SLC25A12: variants seen among roughly 807,000 people sequenced by gnomAD.
The protein encoded by SLC25A12 is solute carrier family 25 member 12.
A neutral mutation model predicts 83.3 loss-of-function variants in SLC25A12; 32 were observed. That is an observed-to-expected ratio of 0.38 (90% CI 0.29 to 0.52). The LOEUF (loss-of-function observed/expected upper bound fraction) is 0.52. Among genes scored for constraint, SLC25A12 ranks in the 20% least tolerant of loss-of-function variants. The probability of loss-of-function intolerance (pLI) is 0.84; values close to 1 mark genes in which losing one functional copy is unlikely to be tolerated. For synonymous variants in SLC25A12, 267 were observed against 291.1 expected, an observed-to-expected ratio of 0.92 and a Z score of 0.84; for missense variants, 611 against 835.6, an observed-to-expected ratio of 0.73 and a Z score of 3.31.
chr2:171,893,305 C>A, intron 1 of SLC25A12, 47 bp from the exon 2 acceptor site: 1 of 1,481,038 alleles, frequency 6.8e-7, no homozygotes, highest in Non-Finnish European at 9.4e-7. Context: ...TCACTAGAGA[C>A]CACACAATCT....
intron 9 of SLC25A12, among the ~76,000 whole-genome samples, chr2:171,824,684 T>G (rs200823417): frequency 2.1e-5 from 3 of 140,976 alleles, no homozygotes; most frequent in African/African-American, 7.4e-5. Context: ...TTATTAAAAA[T>G]TTTTCACATT....
chr2:171,840,847 C>T (rs1300533700), intron 5 of SLC25A12, among the ~76,000 whole-genome samples: 1 of 152,038 alleles, frequency 6.6e-6, no homozygotes, highest in East Asian at 1.9e-4. Flanking sequence ...GGAATACCAT[C>T]GTGAAATTTC....
intron 13 of SLC25A12, among the ~76,000 whole-genome samples, chr2:171,803,831 A>G (rs544455162): frequency 1.1e-3 from 140 of 129,852 alleles, no homozygotes; most frequent in African/African-American, 2.1e-3. Flanking sequence ...ACACACACAC[A>G]CGCGCGCACA....
At chr2:171,850,725 T>C (rs553308230) in intron 4 of SLC25A12, among the ~76,000 whole-genome samples, 1 of 152,146 alleles carries the variant, frequency 6.6e-6, no homozygotes, top group Admixed American at 6.5e-5. Flanking sequence ...CCTCCCAAAG[T>C]GCTGGGATTA....
At chr2:171,822,038 T>A (rs1009832220) in intron 9 of SLC25A12, among the ~76,000 whole-genome samples, 1 of 152,174 alleles carries the variant, frequency 6.6e-6, no homozygotes, top group African/African-American at 2.4e-5. Flanking sequence ...TAATTAAAAA[T>A]TTTTAAAAAC....
At chr2:171,820,451 G>A (rs892143531) in intron 9 of SLC25A12, among the ~76,000 whole-genome samples, 12 of 151,942 alleles carry the variant, frequency 7.9e-5, no homozygotes, top group African/African-American at 2.2e-4. Context: ...AAAAGAGGCC[G>A]GGCGCGGTGG....
At chr2:171,816,051 C>T (rs907380254) in intron 9 of SLC25A12, among the ~76,000 whole-genome samples, 5 of 144,556 alleles carry the variant, frequency 3.5e-5, no homozygotes, top group Non-Finnish European at 7.5e-5. Flanking sequence ...TTAATTAATG[C>T]AAAAATATTC....
intron 2 of SLC25A12, among the ~76,000 whole-genome samples, chr2:171,887,615 C>T (rs796255616): frequency 3.9e-5 from 6 of 152,342 alleles, no homozygotes; most frequent in South Asian, 2.1e-4. Context: ...TTCTTCACTG[C>T]TTCTATTGTC....
In SLC25A12 at chr2:171,865,787, G is replaced by T. The variant is rs1039889220; in HGVS notation, c.209+2894C>A. Reference sequence around the variant, plus strand: ...TGGCTCAGAATTTGACCTATAAAGTGGAATACTTGCCTGGCATCCTCATAT... The same window carrying T: ...TGGCTCAGAATTTGACCTATAAAGTTGAATACTTGCCTGGCATCCTCATAT... On this transcript the variant is annotated intron_variant, in intron 3 of 17. Coordinates refer to ENST00000422440, the MANE Select transcript of SLC25A12 (RefSeq NM_003705.5). 4.6e-5 allele frequency among the ~76,000 whole-genome samples: 7 copies of T among 152,040 alleles called. No homozygotes were observed. The East Asian group carries it at 1.4e-3, about 29-fold the overall frequency.
At chr2:171,868,526 C>T (rs961921285) in intron 3 of SLC25A12, among the ~76,000 whole-genome samples, 155 bp downstream of exon 3, 1 of 151,922 alleles carries the variant, frequency 6.6e-6, no homozygotes, top group African/African-American at 2.4e-5. Flanking sequence ...GTTGGTCAGG[C>T]TGGTCTCAAA....
At chr2:171,802,845 T>C (rs1380427395) in intron 13 of SLC25A12, among the ~76,000 whole-genome samples, 1 of 152,210 alleles carries the variant, frequency 6.6e-6, no homozygotes, top group Non-Finnish European at 1.5e-5. Flanking sequence ...CCAAAGGTTA[T>C]ATACTACTTC....
Position 171,840,817 on chromosome 2 carries a change from T to C in SLC25A12, c.466-3550A>G, listed in dbSNP as rs145089665. ...TGAATGAAGAGCCCAGACCAATGAA[T>C]AAAAATAAACTCACACCAAGGAATA... On this transcript the variant is annotated intron_variant, in intron 5 of 17. Coordinates refer to ENST00000422440, the MANE Select transcript of SLC25A12 (RefSeq NM_003705.5). Among the ~76,000 whole-genome samples the C allele has an allele frequency of 2.5e-3, 382 of 151,976 alleles. 2 individuals carry two copies. Among genetic ancestry groups the C allele is most frequent in the African/African-American group, 8.3e-3 (344 of 41,454 alleles).
intron 15 of SLC25A12, chr2:171,788,390 TGTC>T (rs1558905534): frequency 5.0e-6 from 1 of 201,840 alleles, no homozygotes; most frequent in Non-Finnish European, 1.0e-5. Context: ...TGCTGATTCT[TGTC>T]GTAGTGTGGG....
At chr2:171,793,020 C>CT (rs916104264) in intron 14 of SLC25A12, among the ~76,000 whole-genome samples, 41 of 152,086 alleles carry the variant, frequency 2.7e-4, no homozygotes, top group African/African-American at 9.6e-4. Context: ...ATAGCTTCTG[C>CT]TCCATTACAT....
At chr2:171,874,953 G>A (rs778195507) in intron 2 of SLC25A12, among the ~76,000 whole-genome samples, 17 of 152,242 alleles carry the variant, frequency 1.1e-4, no homozygotes, top group South Asian at 2.1e-4. Flanking sequence ...TACTCCCTTC[G>A]CAAACCCCCT....
chr2:171,844,084 C>T (rs888483806), intron 5 of SLC25A12, among the ~76,000 whole-genome samples: 2 of 151,922 alleles, frequency 1.3e-5, no homozygotes, highest in Admixed American at 6.6e-5. Flanking sequence ...TGCGCCCAGT[C>T]GTGAAAGAAC....
At chr2:171,864,017 C>G (rs899522391) in intron 3 of SLC25A12, among the ~76,000 whole-genome samples, 1 of 152,222 alleles carries the variant, frequency 6.6e-6, no homozygotes, top group African/African-American at 2.4e-5. Context: ...GACAATAAAA[C>G]TGAATACAGT....
intron 3 of SLC25A12, among the ~76,000 whole-genome samples, chr2:171,856,891 G>A (rs1685058539): frequency 6.6e-6 from 1 of 152,138 alleles, no homozygotes; most frequent in African/African-American, 2.4e-5. Flanking sequence ...ATCTTTTAGA[G>A]ATACACAGTG....
At chr2:171,820,159 CA>C (rs1684154370) in intron 9 of SLC25A12, among the ~76,000 whole-genome samples, 1 of 151,978 alleles carries the variant, frequency 6.6e-6, no homozygotes, top group Non-Finnish European at 1.5e-5. Flanking sequence ...ATACTATGTA[CA>C]AAAAAACCCC....
Sources: gnomAD v4.1 joint callset for allele counts (sites outside exome capture counted in the v4.1 genomes callset) on GRCh38, gnomAD v4.1.1 for gene constraint, MANE v1.5 for transcripts, NCBI Gene and HGNC (gene_info 2026-07-23, HGNC 2026-07-21) for gene names.